Variants in NRP2 observed in about 807,000 individuals in gnomAD.
NRP2 encodes the protein neuropilin 2.
Under a neutral mutation model 110.4 loss-of-function variants are expected in NRP2, and 52 were observed. That is an observed-to-expected ratio of 0.47 (90% CI 0.38 to 0.59). The LOEUF is 0.59. Ranked by LOEUF, NRP2 falls within the 20% of genes least tolerant of loss-of-function variation. The pLI is 0.00. For missense variants in NRP2, 1,049 were observed against 1,203.0 expected (o/e 0.87, Z 1.89); for synonymous variants, 508 against 468.9 (o/e 1.08, Z -1.08).
intron 15 of NRP2, 114 bp downstream of exon 15, chr2:205,766,917 G>A (rs1007817290): frequency 3.3e-6 from 3 of 918,604 alleles, no homozygotes; most frequent in African/African-American, 1.7e-5. Flanking sequence ...TCTCGCAAGA[G>A]AAAAGAGACG....
chr2:205,741,352 A>G (rs62172966), intron 8 of NRP2, among the ~76,000 whole-genome samples: 111 of 152,202 alleles, frequency 7.3e-4, no homozygotes, highest in Non-Finnish European at 1.4e-3. Flanking sequence ...TAGAAGGCAA[A>G]TAACAGACAT....
intron 2 of NRP2, among the ~76,000 whole-genome samples, chr2:205,714,737 T>C (rs959189773): frequency 1.1e-4 from 17 of 152,188 alleles, no homozygotes; most frequent in South Asian, 4.1e-4. Context: ...GCGGTTCTTT[T>C]TGGACTGTGG....
intron 15 of NRP2, chr2:205,776,988 G>C: frequency 9.4e-7 from 1 of 1,059,850 alleles, no homozygotes; most frequent in South Asian, 3.2e-5. Context: ...GGGTGTGTGA[G>C]AGAGCGGCTG....
At chr2:205,755,017 G>A (rs951305088) in intron 12 of NRP2, among the ~76,000 whole-genome samples, 1 of 152,072 alleles carries the variant, frequency 6.6e-6, no homozygotes, top group African/African-American at 2.4e-5. Context: ...AGGCCACAAG[G>A]CCACCAATTA....
chr2:205,788,754 T>TGC (rs1575684987), intron 15 of NRP2, among the ~76,000 whole-genome samples: 1 of 152,202 alleles, frequency 6.6e-6, no homozygotes, highest in East Asian at 1.9e-4. Flanking sequence ...ATGCCTCACT[T>TGC]TCTTTCATGC....
chr2:205,689,478 C>T (rs1575536245), intron 1 of NRP2, among the ~76,000 whole-genome samples: 1 of 152,156 alleles, frequency 6.6e-6, no homozygotes, highest in African/African-American at 2.4e-5. Context: ...AGTGGAATCT[C>T]GTGATCGTAG....
chr2:205,779,901 T>C (rs115309549), intron 15 of NRP2, among the ~76,000 whole-genome samples: 1,741 of 152,338 alleles, frequency 0.011, 39 homozygotes, highest in African/African-American at 0.04. Context: ...TACTGCTTGT[T>C]AGGATTTTTA....
At chr2:205,787,257 G>A (rs535031498) in intron 15 of NRP2, among the ~76,000 whole-genome samples, 22 of 152,104 alleles carry the variant, frequency 1.4e-4, no homozygotes, top group Non-Finnish European at 2.5e-4. Context: ...ATCCCACGCC[G>A]CTTCCTTCAG....
intron 9 of NRP2, among the ~76,000 whole-genome samples, chr2:205,745,458 A>T (rs2057521473): frequency 6.6e-6 from 1 of 152,152 alleles, no homozygotes; most frequent in Non-Finnish European, 1.5e-5. Flanking sequence ...TCTTCCCCAG[A>T]TACTCCATTT....
intron 7 of NRP2, among the ~76,000 whole-genome samples, chr2:205,739,621 T>C (rs142177384): frequency 6.6e-6 from 1 of 152,218 alleles, no homozygotes; most frequent in East Asian, 1.9e-4. Context: ...GTTAGTTGGT[T>C]TTTCCCTCTA....
intron 3 of NRP2, among the ~76,000 whole-genome samples, chr2:205,718,504 AG>A (rs1469162920): frequency 6.6e-6 from 1 of 152,250 alleles, no homozygotes; most frequent in East Asian, 1.9e-4. Flanking sequence ...CCTAGTGAAG[AG>A]ATTGTAAGAG....
chr2:205,692,441 G>A (rs2056332824), intron 1 of NRP2, among the ~76,000 whole-genome samples: 1 of 152,140 alleles, frequency 6.6e-6, no homozygotes, highest in Admixed American at 6.5e-5. Context: ...GCTTATCCCG[G>A]GTTGGTGAGC....
At chr2:205,707,746 G>A (rs2056710877) in intron 2 of NRP2, among the ~76,000 whole-genome samples, 1 of 152,228 alleles carries the variant, frequency 6.6e-6, no homozygotes, top group African/African-American at 2.4e-5. Context: ...GACAGACGGG[G>A]AAGTTATGAT....
chr2:205,722,152 C>CTT (rs111837220), intron 3 of NRP2: 3,962 of 303,694 alleles, frequency 0.013, 128 homozygotes, highest in African/African-American at 0.094. Flanking sequence ...ATCCCTCTCT[C>CTT]TCTCTCTCTC....
At chr2:205,703,565 C>G (rs2056607197) in intron 2 of NRP2, among the ~76,000 whole-genome samples, 1 of 152,200 alleles carries the variant, frequency 6.6e-6, no homozygotes, top group South Asian at 2.1e-4. Context: ...TGTCTGCCTC[C>G]CCGGCATCAT....
At chr2:205,707,180 G>A (rs2056695849) in intron 2 of NRP2, among the ~76,000 whole-genome samples, 1 of 152,236 alleles carries the variant, frequency 6.6e-6, no homozygotes. Context: ...GGGCATTTCT[G>A]GGATGGGGAG....
chr2:205,697,885 G>C (rs903046482), intron 2 of NRP2, 164 bp downstream of exon 2: 13 of 743,394 alleles, frequency 1.7e-5, no homozygotes, highest in Non-Finnish European at 3.1e-5. Context: ...TCCCTTTCCA[G>C]GGAAATAAAG....
At chr2:205,703,315 A>G (rs767663012) in intron 2 of NRP2, among the ~76,000 whole-genome samples, 1 of 152,238 alleles carries the variant, frequency 6.6e-6, no homozygotes, top group Non-Finnish European at 1.5e-5. Flanking sequence ...TCATTCATTC[A>G]TCAGGAAATA....
At chr2:205,776,058 T>G (rs2058091711) in intron 15 of NRP2, 1 of 746,928 alleles carries the variant, frequency 1.3e-6, no homozygotes, top group African/African-American at 1.7e-5. Flanking sequence ...CCCAAGGGGG[T>G]AAGTAGGAAA....
Sources: gnomAD v4.1 joint callset for allele counts (sites outside exome capture counted in the v4.1 genomes callset) on GRCh38, gnomAD v4.1.1 for gene constraint, MANE v1.5 for transcripts, NCBI Gene and HGNC (gene_info 2026-07-23, HGNC 2026-07-21) for gene names.